The following AK8 variants were observed in gnomAD, a reference collection of about 807,000 sequenced individuals.
The protein encoded by AK8 is adenylate kinase 8, also known as ATP-AMP transphosphorylase 8.
A neutral mutation model predicts 54.6 loss-of-function variants in AK8; 44 were observed. The ratio of observed to expected loss-of-function variants is 0.81; its 90% CI spans 0.63 to 1.04. AK8 has a LOEUF of 1.04. Among genes scored for constraint, AK8 ranks in the 50% least tolerant of loss-of-function variants. The pLI is 0.00. For synonymous variants in AK8, 239 were observed against 245.6 expected (o/e 0.97, Z 0.25); for missense variants, 555 against 613.6 (o/e 0.90, Z 1.01).
chr9:132,726,677 T>G (rs1196604799), intron 12 of AK8, among the ~76,000 whole-genome samples: 1 of 152,138 alleles, frequency 6.6e-6, no homozygotes, highest in Non-Finnish European at 1.5e-5. Context: ...GCTCTGTGCC[T>G]ATGGAGCTCA....
chr9:132,836,417 T>G (rs567274986), intron 5 of AK8, among the ~76,000 whole-genome samples: 2 of 152,184 alleles, frequency 1.3e-5, no homozygotes, highest in African/African-American at 4.8e-5. Context: ...TTCCAAGGAG[T>G]CCCACTTAAG....
chr9:132,796,909 C>G lies in AK8; in HGVS notation c.980-4134G>C, dbSNP rs114870266. On this transcript the variant is annotated intron_variant, in intron 10 of 12. Coordinates refer to ENST00000298545, the MANE Select transcript of AK8 (RefSeq NM_152572.3). Reference sequence around the variant, plus strand: ...GCCCAGGGTGGTGGAGGTGAGAGGGCACCCGGATGTAATGCAACACAAACC... The same window carrying G: ...GCCCAGGGTGGTGGAGGTGAGAGGGGACCCGGATGTAATGCAACACAAACC... 6.5e-3 allele frequency among the ~76,000 whole-genome samples: 986 copies of G among 152,090 alleles called. 4 individuals carry two copies. Among genetic ancestry groups the G allele is most frequent in the African/African-American group, 0.019 (793 of 41,492 alleles).
intron 4 of AK8, 55 bp downstream of exon 4, chr9:132,863,610 G>T: frequency 8.2e-7 from 1 of 1,223,920 alleles, no homozygotes; most frequent in Non-Finnish European, 1.2e-6. Flanking sequence ...GGCAGTGGGT[G>T]TGGCAGTGGG....
At chr9:132,766,154 G>A (rs138329361) in intron 11 of AK8, among the ~76,000 whole-genome samples, 3 of 152,338 alleles carry the variant, frequency 2.0e-5, no homozygotes, top group African/African-American at 7.2e-5. Flanking sequence ...CTCTGTTGCT[G>A]AAGCTGGAGT....
rs534011612 is a variant in AK8, at chr9:132,837,376, C to T, written c.403-8650G>A. 6.6e-6 allele frequency among the ~76,000 whole-genome samples: 1 copy of T among 151,956 alleles called. No homozygotes were observed. The highest frequency in any genetic ancestry group is 1.5e-5 in the Non-Finnish European group (1 of 67,956). ...GAGGAGTTGGCCCCCTTCTGCTCTG[C>T]CCTTCTGCTGTGGGTGCCCTGCTAG... is the stretch of plus-strand genomic sequence containing the variant. On this transcript the variant is annotated intron_variant, in intron 5 of 12. Coordinates refer to ENST00000298545, the MANE Select transcript of AK8 (RefSeq NM_152572.3). The surrounding 1 kb of genome is among the most constrained non-coding windows in gnomAD (Gnocchi z 4.3).
intron 9 of AK8, among the ~76,000 whole-genome samples, chr9:132,821,037 C>T (rs937904619): frequency 1.3e-5 from 2 of 152,046 alleles, no homozygotes; most frequent in African/African-American, 4.8e-5. Context: ...CAAGCAAAAA[C>T]CATGATGAGC....
intron 11 of AK8, among the ~76,000 whole-genome samples, chr9:132,749,400 C>T (rs536438847): frequency 3.0e-4 from 45 of 152,014 alleles, no homozygotes; most frequent in African/African-American, 1.1e-3. Flanking sequence ...ACTACCGCCT[C>T]CCTGGATGCT....
intron 5 of AK8, among the ~76,000 whole-genome samples, chr9:132,834,781 C>T (rs888367352): frequency 3.3e-5 from 5 of 152,006 alleles, no homozygotes; most frequent in African/African-American, 1.2e-4. Context: ...GCGGGGATAT[C>T]ATTACTCCTA....
intron 11 of AK8, among the ~76,000 whole-genome samples, chr9:132,776,228 T>C (rs1839209142): frequency 6.6e-6 from 1 of 152,210 alleles, no homozygotes; most frequent in Non-Finnish European, 1.5e-5. Flanking sequence ...GCTGCTGGCC[T>C]ATCACCACCA....
rs1025545905 is a variant in AK8 at position 132,770,648 on chromosome 9, G to C, written c.1121+21986C>G. Among the ~76,000 whole-genome samples the C allele has an allele frequency of 6.6e-6, 1 of 152,198 alleles. No individual in the cohort carries two copies. The highest frequency in any genetic ancestry group is 2.4e-5 in the African/African-American group (1 of 41,452). On this transcript the variant is annotated intron_variant, in intron 11 of 12. Coordinates refer to ENST00000298545, the MANE Select transcript of AK8 (RefSeq NM_152572.3). This position sits in a 1 kb window ranked among gnomAD's most constrained non-coding sequence, Gnocchi z 4.3. Reference sequence around the variant, plus strand: ...ACAGAGACCTGGGGCAGCGCGGTGGGCAGCGGGCTGGGCCGAGATCGAGAC... The same window carrying C: ...ACAGAGACCTGGGGCAGCGCGGTGGCCAGCGGGCTGGGCCGAGATCGAGAC...
intron 5 of AK8, among the ~76,000 whole-genome samples, chr9:132,834,707 G>T (rs571954816): frequency 6.6e-6 from 1 of 152,166 alleles, no homozygotes; most frequent in South Asian, 2.1e-4. Context: ...TTTCTAAACA[G>T]AGTTGAATTC....
At chr9:132,754,244 G>C (rs923233980) in intron 11 of AK8, among the ~76,000 whole-genome samples, 17 of 152,250 alleles carry the variant, frequency 1.1e-4, no homozygotes, top group African/African-American at 3.9e-4. Flanking sequence ...TCCGCCACAA[G>C]CAAGCACAGA....
chr9:132,732,638 C>T (rs76260611), intron 11 of AK8, among the ~76,000 whole-genome samples: 6,279 of 152,172 alleles, frequency 0.041, 340 homozygotes, highest in East Asian at 0.26. Flanking sequence ...AGTGGAAGCC[C>T]GGGGTTCCCT....
intron 11 of AK8, among the ~76,000 whole-genome samples, chr9:132,751,704 A>T (rs1056646224): frequency 6.6e-6 from 1 of 151,920 alleles, no homozygotes. Flanking sequence ...ATGCTCTCAA[A>T]GAAGTACTGT....
intron 4 of AK8, among the ~76,000 whole-genome samples, chr9:132,855,551 A>C (rs1843143654): frequency 6.6e-6 from 1 of 152,172 alleles, no homozygotes; most frequent in South Asian, 2.1e-4. Flanking sequence ...CACCACAGAA[A>C]TGATAAAGGC....
chr9:132,736,248 G>T (rs577655981), intron 11 of AK8, among the ~76,000 whole-genome samples: 1 of 149,680 alleles, frequency 6.7e-6, no homozygotes, highest in Non-Finnish European at 1.5e-5. Context: ...GTGGAATGGC[G>T]CAATCTTGGC....
At chr9:132,855,824 A>G (rs1409472279) in intron 4 of AK8, among the ~76,000 whole-genome samples, 5 of 152,150 alleles carry the variant, frequency 3.3e-5, no homozygotes, top group African/African-American at 1.2e-4. Flanking sequence ...CGGGCCCCCA[A>G]AGAGGAATCC....
At chr9:132,778,663 G>A (rs1198609559) in intron 11 of AK8, among the ~76,000 whole-genome samples, 5 of 151,990 alleles carry the variant, frequency 3.3e-5, no homozygotes, top group African/African-American at 9.7e-5. Context: ...ATTGTCATAC[G>A]GAAATAAATT....
At chr9:132,868,709 G>A (rs1032390768) in intron 2 of AK8, among the ~76,000 whole-genome samples, 1 of 152,180 alleles carries the variant, frequency 6.6e-6, no homozygotes. Context: ...CCCCCATGGC[G>A]GCCAGAACTG....
Sources: allele counts gnomAD v4.1 joint callset (sites outside exome capture counted in the v4.1 genomes callset), GRCh38; gene constraint gnomAD v4.1.1; non-coding constraint Gnocchi (gnomAD v3.1); transcripts MANE v1.5; gene names NCBI Gene and HGNC (gene_info 2026-07-23, HGNC 2026-07-21).